Variants in R3HDM2 observed in about 807,000 individuals in gnomAD.
R3HDM2 encodes R3H domain containing 2.
In R3HDM2, 38 loss-of-function variants were observed where a neutral mutation model predicts 124.5. The ratio of observed to expected loss-of-function variants is 0.31; its 90% CI spans 0.24 to 0.40. R3HDM2 has a LOEUF of 0.40. Among genes scored for constraint, R3HDM2 ranks in the 10% least tolerant of loss-of-function variants. The pLI, the probability that R3HDM2 is intolerant of heterozygous loss-of-function variation, is 1.00. For missense variants in R3HDM2, 869 were observed against 1,236.9 expected (o/e 0.70, Z 4.46); for synonymous variants, 391 against 448.0 (o/e 0.87, Z 1.61).
chr12:57,346,360 A>G (rs993160633), intron 2 of R3HDM2, among the ~76,000 whole-genome samples: 1 of 150,504 alleles, frequency 6.6e-6, no homozygotes, highest in African/African-American at 2.4e-5. Context: ...TGGGAGGCTG[A>G]GGCAGGAGAA....
intron 13 of R3HDM2, among the ~76,000 whole-genome samples, chr12:57,282,069 G>A (rs539274875): frequency 6.6e-5 from 10 of 152,226 alleles, no homozygotes; most frequent in African/African-American, 1.9e-4. Flanking sequence ...CAGCACTTTG[G>A]GAGGCTTAGG....
intron 3 of R3HDM2, among the ~76,000 whole-genome samples, chr12:57,305,991 T>G (rs1451086802): frequency 6.6e-6 from 1 of 152,192 alleles, no homozygotes; most frequent in Non-Finnish European, 1.5e-5. Context: ...GAGAAAGACA[T>G]CATCTGGATT....
At position 57,269,901 on chromosome 12, in the gene R3HDM2, G is replaced by T. The variant is rs903822034; in HGVS notation, c.1438C>A (p.Pro480Thr). Reference protein sequence around the residue: ...ADPSAALFQTPLISQHPQQTS... With the variant: ...ADPSAALFQTTLISQHPQQTS... ...TGCTGAGGGTGCTGGGAGATAAGTGGGGTCTGGAATAGAGCTGCAGATGGG... is the reference window on the plus strand; with the variant it reads ...TGCTGAGGGTGCTGGGAGATAAGTGTGGTCTGGAATAGAGCTGCAGATGGG... Residue 480 changes from proline to threonine, a missense_variant, in exon 15 of 24, where the codon CCA (proline) becomes ACA (threonine). Pro to Thr is a conservative substitution (Grantham distance 38). Coordinates refer to ENST00000402412, the MANE Select transcript of R3HDM2 (RefSeq NM_001394031.1). 8 of 1,614,026 alleles carry T rather than the reference G, an allele frequency of 5.0e-6. No individual in the cohort carries two copies. The highest frequency in any genetic ancestry group is 1.6e-4 in the Middle Eastern group (1 of 6,084).
At chr12:57,399,827 T>A (rs1045559038) in intron 1 of R3HDM2, among the ~76,000 whole-genome samples, 1 of 152,176 alleles carries the variant, frequency 6.6e-6, no homozygotes, top group African/African-American at 2.4e-5. Flanking sequence ...CAATGACTCC[T>A]ACTCTTCTCT....
intron 2 of R3HDM2, among the ~76,000 whole-genome samples, chr12:57,392,930 G>C (rs1232062489): frequency 1.4e-5 from 2 of 144,596 alleles, no homozygotes; most frequent in African/African-American, 2.6e-5. Context: ...TCAGTCTCCG[G>C]AGTAGCTGGG....
At chr12:57,428,022 A>C (rs948238208) in intron 1 of R3HDM2, among the ~76,000 whole-genome samples, 3 of 151,992 alleles carry the variant, frequency 2.0e-5, no homozygotes, top group Non-Finnish European at 4.4e-5. Flanking sequence ...CAGGGGGCTG[A>C]GGCAGGAGAA....
chr12:57,427,385 T>TG (rs1868249924), intron 1 of R3HDM2, among the ~76,000 whole-genome samples: 1 of 148,628 alleles, frequency 6.7e-6, no homozygotes, highest in Non-Finnish European at 1.5e-5. Flanking sequence ...AGTCTCAGTC[T>TG]GTTGCCCAGG....
intron 1 of R3HDM2, among the ~76,000 whole-genome samples, chr12:57,414,486 T>TAAAAA (rs534205889): frequency 4.5e-5 from 3 of 66,616 alleles, no homozygotes; most frequent in African/African-American, 7.0e-5. Context: ...AAGACTCCAT[T>TAAAAA]AAAAAAAAAA....
intron 2 of R3HDM2, among the ~76,000 whole-genome samples, chr12:57,325,050 G>A (rs2136398860): frequency 6.6e-6 from 1 of 152,336 alleles, no homozygotes; most frequent in African/African-American, 2.4e-5. Context: ...GAGGCTTCAA[G>A]AGAAACCAAA....
At chr12:57,379,441 G>A (rs574875981) in intron 2 of R3HDM2, among the ~76,000 whole-genome samples, 3 of 152,170 alleles carry the variant, frequency 2.0e-5, no homozygotes, top group South Asian at 2.1e-4. Context: ...TAAGCCTGGC[G>A]TGGTGACGCA....
intron 2 of R3HDM2, among the ~76,000 whole-genome samples, chr12:57,332,665 T>C: frequency 6.6e-6 from 1 of 152,182 alleles, no homozygotes; most frequent in East Asian, 1.9e-4. Context: ...GCTTATAACC[T>C]GTGAATCTAA....
chr12:57,304,604 G>A (rs1478910933), intron 3 of R3HDM2: 1 of 711,572 alleles, frequency 1.4e-6, no homozygotes, highest in Non-Finnish European at 1.7e-6. Context: ...TGGTGGATCT[G>A]CTCAGTGGTA....
intron 3 of R3HDM2, among the ~76,000 whole-genome samples, chr12:57,307,760 G>C (rs997238301): frequency 7.2e-5 from 11 of 151,792 alleles, no homozygotes; most frequent in African/African-American, 2.7e-4. Context: ...CAAGTAGCTG[G>C]GATTACAGGG....
intron 2 of R3HDM2, among the ~76,000 whole-genome samples, chr12:57,313,724 G>T (rs1211904486): frequency 6.7e-6 from 1 of 150,220 alleles, no homozygotes; most frequent in Non-Finnish European, 1.5e-5. Context: ...TATAAAAAAA[G>T]AACAAAATTA....
At chr12:57,353,007 C>T (rs1219099634) in intron 2 of R3HDM2, among the ~76,000 whole-genome samples, 1 of 152,042 alleles carries the variant, frequency 6.6e-6, no homozygotes, top group East Asian at 1.9e-4. Context: ...GATTAAAGAC[C>T]TACACATGAA....
At chr12:57,361,043 C>T (rs1304981753) in intron 2 of R3HDM2, among the ~76,000 whole-genome samples, 2 of 70,402 alleles carry the variant, frequency 2.8e-5, no homozygotes, top group African/African-American at 1.1e-4. Context: ...GAGCAAGACA[C>T]GTCTCAAAAA....
intron 2 of R3HDM2, among the ~76,000 whole-genome samples, chr12:57,319,421 C>G (rs912617158): frequency 6.6e-6 from 1 of 152,056 alleles, no homozygotes; most frequent in African/African-American, 2.4e-5. Context: ...TGCTTGTATA[C>G]CTCTTAGTGA....
intron 1 of R3HDM2, among the ~76,000 whole-genome samples, chr12:57,424,268 G>A (rs907826236): frequency 2.6e-5 from 4 of 151,534 alleles, no homozygotes; most frequent in African/African-American, 9.7e-5. Context: ...AGCAATTCTC[G>A]TGCCTCAGCC....
chr12:57,301,064 AC>A (rs1245825838), intron 4 of R3HDM2, among the ~76,000 whole-genome samples: 1 of 152,066 alleles, frequency 6.6e-6, no homozygotes, highest in African/African-American at 2.4e-5. Context: ...TGATCATGCC[AC>A]TGTACTCCAA....
Sources: gnomAD v4.1 joint callset for allele counts (sites outside exome capture counted in the v4.1 genomes callset) on GRCh38, gnomAD v4.1.1 for gene constraint, MANE v1.5 for transcripts, NCBI Gene and HGNC (gene_info 2026-07-23, HGNC 2026-07-21) for gene names.